Variants in GRID2 observed in about 807,000 individuals in gnomAD.
GRID2 encodes the protein glutamate receptor ionotropic, delta-2.
A neutral mutation model predicts 114.8 loss-of-function variants in GRID2; 33 were observed. The observed-to-expected ratio is 0.29, with a 90% confidence interval of 0.22 to 0.38. GRID2 has a LOEUF of 0.38. GRID2 is among the 10% of genes least tolerant of loss of function. GRID2 has a pLI of 1.00. For synonymous variants in GRID2, 505 were observed against 449.9 expected, an observed-to-expected ratio of 1.12 and a Z score of -1.55; for missense variants, 1,184 against 1,257.7, an observed-to-expected ratio of 0.94 and a Z score of 0.89.
intron 1 of GRID2, among the ~76,000 whole-genome samples, chr4:92,485,350 T>TATATATA (rs1560663111): frequency 4.1e-5 from 3 of 72,668 alleles, no homozygotes; most frequent in African/African-American, 1.5e-4. Context: ...ATATATATAG[T>TATATATA]GTGTGTGTGT....
chr4:92,924,623 G>T (rs548456787), intron 2 of GRID2, among the ~76,000 whole-genome samples: 24 of 152,182 alleles, frequency 1.6e-4, no homozygotes, highest in African/African-American at 5.1e-4. Flanking sequence ...CCATGCTGTT[G>T]CATGAGGTTA....
At chr4:93,435,280 C>G (rs1330786973) in intron 10 of GRID2, among the ~76,000 whole-genome samples, 1 of 152,164 alleles carries the variant, frequency 6.6e-6, no homozygotes, top group African/African-American at 2.4e-5. Context: ...TAATTAATAA[C>G]CATTCAATGG....
At chr4:92,613,062 C>T (rs1018051322) in intron 2 of GRID2, among the ~76,000 whole-genome samples, 2 of 151,282 alleles carry the variant, frequency 1.3e-5, no homozygotes, top group Non-Finnish European at 3.0e-5. Flanking sequence ...TGTATATTTT[C>T]CAAAGATGCT....
At chr4:92,475,203 T>A (rs1346663841) in intron 1 of GRID2, among the ~76,000 whole-genome samples, 4 of 150,706 alleles carry the variant, frequency 2.7e-5, no homozygotes, top group East Asian at 1.9e-4. Context: ...AAAAAAAAAA[T>A]TGTTGCCTGT....
chr4:93,042,885 A>T (rs1725736472), intron 2 of GRID2, among the ~76,000 whole-genome samples: 1 of 151,762 alleles, frequency 6.6e-6, no homozygotes, highest in Non-Finnish European at 1.5e-5. Context: ...TTGAAAAAAG[A>T]GCAGGCAGGC....
Position 92,999,532 on chromosome 4 carries a change from A to G in GRID2, c.245-85463A>G, listed in dbSNP as rs1755411273. 2.6e-5 allele frequency among the ~76,000 whole-genome samples: 4 copies of G among 151,854 alleles called. No homozygotes were observed. The South Asian group carries it at 6.2e-4, about 24-fold the overall frequency. On this transcript the variant is annotated intron_variant, in intron 2 of 15. Transcript: ENST00000282020. ...ATATATTCTAAAGTTGCTATATCTT[A>G]TATTTTTTACTTATTAGTATTTTTC...
intron 3 of GRID2, among the ~76,000 whole-genome samples, chr4:93,106,629 C>G (rs1017647915): frequency 2.0e-5 from 3 of 152,134 alleles, no homozygotes; most frequent in Admixed American, 2.0e-4. Context: ...AGAGTACTCT[C>G]TTTTTTAATG....
chr4:93,701,656 C>T (rs1295963348), intron 14 of GRID2, among the ~76,000 whole-genome samples: 1 of 151,812 alleles, frequency 6.6e-6, no homozygotes, highest in Non-Finnish European at 1.5e-5. Context: ...TTTCTCTTTA[C>T]AAGTCCTGCA....
intron 2 of GRID2, among the ~76,000 whole-genome samples, chr4:93,006,595 G>GA (rs35210074): frequency 0.12 from 17,007 of 141,392 alleles, 1,099 homozygotes; most frequent in Middle Eastern, 0.19. Context: ...AGGCCCTACT[G>GA]AAAAAAAAAA....
chr4:93,428,699 C>A (rs575647248), intron 10 of GRID2, among the ~76,000 whole-genome samples: 1 of 152,174 alleles, frequency 6.6e-6, no homozygotes, highest in African/African-American at 2.4e-5. Flanking sequence ...AAATATTCTA[C>A]CTATTAAAGC....
At chr4:92,637,122 T>C (rs1450100704) in intron 2 of GRID2, among the ~76,000 whole-genome samples, 2 of 152,032 alleles carry the variant, frequency 1.3e-5, no homozygotes, top group Non-Finnish European at 2.9e-5. Context: ...TTATTGCCTT[T>C]AGTTTGTTCT....
chr4:93,356,112 A>G (rs1279794626), intron 8 of GRID2, among the ~76,000 whole-genome samples: 5 of 152,116 alleles, frequency 3.3e-5, no homozygotes, highest in Admixed American at 2.6e-4. Flanking sequence ...AACATATAAA[A>G]CCCGTATAAA....
At chr4:92,341,323 C>G (rs1727477501) in intron 1 of GRID2, among the ~76,000 whole-genome samples, 1 of 152,114 alleles carries the variant, frequency 6.6e-6, no homozygotes. Context: ...ATGTGTCCTA[C>G]CTAATGTGGA....
At chr4:92,998,450 G>A (rs1407911090) in intron 2 of GRID2, among the ~76,000 whole-genome samples, 5 of 151,856 alleles carry the variant, frequency 3.3e-5, no homozygotes, top group Non-Finnish European at 5.9e-5. Context: ...GAGGCTATTG[G>A]GACTACAGAG....
chr4:92,776,004 T>A (rs745594190), intron 2 of GRID2, among the ~76,000 whole-genome samples: 18 of 152,134 alleles, frequency 1.2e-4, no homozygotes, highest in Non-Finnish European at 2.5e-4. Flanking sequence ...AAAATTGACC[T>A]CTGACACACT....
At chr4:93,770,062 T>G (rs1733987331) in intron 15 of GRID2, among the ~76,000 whole-genome samples, 2 of 152,218 alleles carry the variant, frequency 1.3e-5, no homozygotes, top group Non-Finnish European at 2.9e-5. Context: ...AAATTTTATC[T>G]CAATATCTGA....
intron 2 of GRID2, among the ~76,000 whole-genome samples, chr4:92,870,631 A>G (rs1244766178): frequency 6.6e-6 from 1 of 152,218 alleles, no homozygotes; most frequent in Non-Finnish European, 1.5e-5. Context: ...TTTAAAAAGC[A>G]TTAACAGATG....
intron 2 of GRID2, among the ~76,000 whole-genome samples, chr4:92,733,730 ACT>A (rs537077254): frequency 1.9e-4 from 29 of 152,200 alleles, no homozygotes; most frequent in African/African-American, 6.7e-4. Flanking sequence ...CATTGCTATC[ACT>A]GAGTTAAATC....
At position 93,048,125 on chromosome 4, in the gene GRID2, C is replaced by A. The variant is rs146842009; in HGVS notation, c.245-36870C>A. Among the ~76,000 whole-genome samples the A allele has an allele frequency of 7.8e-4, 119 of 152,096 alleles. 1 individual carries two copies. In the East Asian group the frequency reaches 0.016, roughly 20 times the overall value. On this transcript the variant is annotated intron_variant, in intron 2 of 15. Coordinates refer to ENST00000282020, the MANE Select transcript of GRID2 (RefSeq NM_001510.4). ...ATGTTAGTTGCCCCACTCAGGATGA[C>A]GGTGCCCCTGTTGTCATTTTTAGTA...
Sources: gnomAD v4.1 joint callset for allele counts (sites outside exome capture counted in the v4.1 genomes callset) on GRCh38, gnomAD v4.1.1 for gene constraint, MANE v1.5 for transcripts, NCBI Gene and HGNC (gene_info 2026-07-23, HGNC 2026-07-21) for gene names.